The following MRPL21 variants were observed in gnomAD, a reference collection of about 807,000 sequenced individuals.
The protein encoded by MRPL21 is large ribosomal subunit protein bL21m.
In MRPL21, 20 loss-of-function variants were observed where a neutral mutation model predicts 27.3. That is an observed-to-expected ratio of 0.73 (90% CI 0.52 to 1.06). MRPL21 has a LOEUF of 1.06. Ranked by LOEUF, MRPL21 falls within the 50% of genes least tolerant of loss-of-function variation. The probability of loss-of-function intolerance (pLI) is 0.00; values close to 1 mark genes in which losing one functional copy is unlikely to be tolerated. For missense variants in MRPL21, 249 were observed against 251.4 expected (o/e 0.99, Z 0.06); for synonymous variants, 98 against 101.5 (o/e 0.97, Z 0.21).
At chr11:68,901,435 T>C (rs192930479) in intron 1 of MRPL21, among the ~76,000 whole-genome samples, 12 of 152,312 alleles carry the variant, frequency 7.9e-5, no homozygotes, top group African/African-American at 1.2e-4. Context: ...TTCAATCTAC[T>C]GAGAAGACAG....
At chr11:68,902,052 GAACA>G (rs1460169661) in intron 1 of MRPL21, among the ~76,000 whole-genome samples, 3 of 152,142 alleles carry the variant, frequency 2.0e-5, no homozygotes, top group Non-Finnish European at 2.9e-5. Flanking sequence ...GGTCCCCAGG[GAACA>G]AACAGTCTCC....
At chr11:68,893,589 C>CTGTCTAA in intron 4 of MRPL21, 134 bp from the exon 5 acceptor site, 1 of 1,184,954 alleles carries the variant, frequency 8.4e-7, no homozygotes, top group Non-Finnish European at 1.2e-6. Context: ...ATTTCATCTG[C>CTGTCTAA]TGTCTAATGA....
intron 3 of MRPL21, 143 bp from the exon 4 acceptor site, chr11:68,896,821 C>T: frequency 9.4e-7 from 1 of 1,063,960 alleles, no homozygotes; most frequent in South Asian, 1.5e-5. Flanking sequence ...GCTGGCGGCC[C>T]AGCCCCTGCT....
At chr11:68,901,767 G>C (rs1019389737) in intron 1 of MRPL21, among the ~76,000 whole-genome samples, 9 of 152,112 alleles carry the variant, frequency 5.9e-5, no homozygotes, top group Non-Finnish European at 1.5e-5. Flanking sequence ...TTCTCTCCTG[G>C]TTTTGCATAC....
intron 1 of MRPL21, 62 bp downstream of exon 1, chr11:68,903,661 C>G: frequency 6.4e-7 from 1 of 1,565,736 alleles, no homozygotes; most frequent in South Asian, 1.1e-5. Context: ...ACATACGTGG[C>G]GAGACCGCAG....
intron 6 of MRPL21, 195 bp from the exon 7 acceptor site, chr11:68,891,590 G>C: frequency 1.6e-6 from 1 of 626,452 alleles, no homozygotes; most frequent in East Asian, 2.7e-5. Flanking sequence ...CAGGTGCAGA[G>C]GCTGGGACAC....
rs2154005714 is a variant in MRPL21 at position 68,896,676 on chromosome 11, C to T, written c.235G>A (p.Val79Ile). Reference sequence around the variant, plus strand: ...ATCATCTCATTCACCTTCTTCACGACCTCTGCAGGGGAAGGCGGGTGGGTG... The same window carrying T: ...ATCATCTCATTCACCTTCTTCACGATCTCTGCAGGGGAAGGCGGGTGGGTG... The part of the protein sequence containing the change: ...PVEETRHHAE[V>I]VKKVNEMIVT... The change falls in exon 4 of 7, where the codon GTC (valine) becomes ATC (isoleucine). Residue 79 changes from valine (V) to isoleucine (I), a missense_variant and splice_region_variant. Physicochemically the swap from Val to Ile is conservative, Grantham distance 29 (BLOSUM62 3). Transcript: ENST00000362034. 1 of 1,613,926 alleles carries T rather than the reference C, an allele frequency of 6.2e-7. No homozygotes were observed. Among genetic ancestry groups the T allele is most frequent in the Non-Finnish European group, 8.5e-7 (1 of 1,180,026 alleles).
chr11:68,896,016 G>A (rs2154005657), intron 4 of MRPL21, among the ~76,000 whole-genome samples: 1 of 152,310 alleles, frequency 6.6e-6, no homozygotes, highest in Middle Eastern at 3.4e-3. Flanking sequence ...AGGTAAATTA[G>A]CACCCAGGGA....
chr11:68,896,650 G>A lies in MRPL21; in HGVS notation c.261C>T (p.Ile87=), dbSNP rs1333436758. Residue 87 remains isoleucine, a synonymous_variant, in exon 4 of 7, where the codon ATC becomes ATT. Transcript: ENST00000362034. ...AEVVKKVNEM[I]VTGQYGRLFA... ...AGAGCCTGCCATACTGCCCCGTGAC[G>A]ATCATCTCATTCACCTTCTTCACGA... 4.3e-6 allele frequency: 7 copies of A among 1,614,096 alleles called. No homozygotes were observed. Among genetic ancestry groups the A allele is most frequent in the East Asian group, 2.2e-5 (1 of 44,882 alleles).
chr11:68,892,746 G>C, intron 6 of MRPL21, 144 bp downstream of exon 6: 1 of 1,538,848 alleles, frequency 6.5e-7, no homozygotes, highest in Non-Finnish European at 8.7e-7. Context: ...TCTAGGATGA[G>C]GGTGGCAAGT....
chr11:68,894,733 G>GT (rs1857744914), intron 4 of MRPL21, among the ~76,000 whole-genome samples: 1 of 152,200 alleles, frequency 6.6e-6, no homozygotes, highest in African/African-American at 2.4e-5. Flanking sequence ...AATAAAATAA[G>GT]TATTTTTAGA....
At chr11:68,898,183 TCCTTTTAGA>T (rs1857848838) in intron 2 of MRPL21, among the ~76,000 whole-genome samples, 171 bp from the exon 3 acceptor site, 1 of 152,202 alleles carries the variant, frequency 6.6e-6, no homozygotes, top group Non-Finnish European at 1.5e-5. Flanking sequence ...GCTCCCTGTA[TCCTTTTAGA>T]ACCACAGGGA....
At chr11:68,891,699 A>T in intron 6 of MRPL21, 1 of 539,630 alleles carries the variant, frequency 1.9e-6, no homozygotes, top group Non-Finnish European at 3.3e-6. Flanking sequence ...GGATGGCCCC[A>T]CCTGAGTGAC....
At chr11:68,902,744 C>T (rs1233566619) in intron 1 of MRPL21, among the ~76,000 whole-genome samples, 1 of 152,168 alleles carries the variant, frequency 6.6e-6, no homozygotes, top group African/African-American at 2.4e-5. Context: ...ATGTATCTAC[C>T]ATTATATCAT....
intron 3 of MRPL21, chr11:68,897,668 C>T (rs564872637): frequency 6.4e-5 from 34 of 534,890 alleles, no homozygotes; most frequent in Middle Eastern, 5.0e-4. Flanking sequence ...CAGAAGCAGA[C>T]GAGATGGAGC....
chr11:68,891,586 C>A (rs11228402), intron 6 of MRPL21, 191 bp from the exon 7 acceptor site: 1 of 636,328 alleles, frequency 1.6e-6, no homozygotes. Context: ...TTGGCAGGTG[C>A]AGAGGCTGGG....
chr11:68,893,946 C>T lies in MRPL21; in HGVS notation c.397-491G>A, dbSNP rs535942107. Among the ~76,000 whole-genome samples the T allele has an allele frequency of 3.3e-5, 5 of 152,246 alleles. No homozygotes were observed. In the South Asian group the frequency reaches 1.0e-3, roughly 32 times the overall value. ...AAACTTAGCTGGGCGTGGCGGCATG[C>T]ACCTGTAGTCCCAGCTACTCAGGAG... On this transcript the variant is annotated intron_variant, in intron 4 of 6. Coordinates refer to ENST00000362034, the MANE Select transcript of MRPL21 (RefSeq NM_181514.2).
intron 5 of MRPL21, 193 bp downstream of exon 5, chr11:68,893,210 G>T: frequency 7.2e-7 from 1 of 1,379,734 alleles, no homozygotes; most frequent in Non-Finnish European, 9.6e-7. Context: ...TCATGAAACA[G>T]CAAGAGACCA....
At chr11:68,891,495 C>T (rs1290147819) in intron 6 of MRPL21, 100 bp from the exon 7 acceptor site, 13 of 1,114,666 alleles carry the variant, frequency 1.2e-5, no homozygotes, top group Middle Eastern at 2.6e-4. Flanking sequence ...AGCGCGACCC[C>T]GGCAACGTCC....
Sources: allele counts gnomAD v4.1 joint callset (sites outside exome capture counted in the v4.1 genomes callset), GRCh38; gene constraint gnomAD v4.1.1; transcripts MANE v1.5; gene names NCBI Gene and HGNC (gene_info 2026-07-23, HGNC 2026-07-21).